OTUB1: variants seen among roughly 807,000 people sequenced by gnomAD.
The protein encoded by OTUB1 is OTU deubiquitinase, ubiquitin aldehyde binding 1.
A neutral mutation model predicts 35.8 loss-of-function variants in OTUB1; 10 were observed. That is an observed-to-expected ratio of 0.28 (90% CI 0.17 to 0.47). OTUB1 has a LOEUF of 0.47. OTUB1 is among the 20% of genes least tolerant of loss of function. OTUB1 has a pLI of 0.99. For missense variants in OTUB1, 264 were observed against 351.6 expected, an observed-to-expected ratio of 0.75 and a Z score of 1.99; for synonymous variants, 158 against 143.8, an observed-to-expected ratio of 1.10 and a Z score of -0.71.
intron 3 of OTUB1, among the ~76,000 whole-genome samples, chr11:63,991,321 A>G (rs1289604548): frequency 2.0e-5 from 3 of 152,138 alleles, no homozygotes; most frequent in Non-Finnish European, 4.4e-5. Context: ...TCATTCATTC[A>G]TTCCTCTTAT....
intron 3 of OTUB1, chr11:63,990,356 C>T (rs901725219): frequency 6.6e-6 from 1 of 152,182 alleles, no homozygotes; most frequent in South Asian, 2.1e-4. Context: ...AATCCTAGCA[C>T]TTTGGGAGGC....
chr11:63,997,672 CAT>C lies in OTUB1; in HGVS notation c.*127_*128del, dbSNP rs1198299570. On this transcript the variant is annotated 3_prime_UTR_variant, in exon 7 of 7. Transcript: ENST00000538426. ...TTCTTCCTGTCACATGACCCCCCCC[CAT>C]GTTTTATTAAAGGGGGTGCTGGTGG... 6.3e-6 allele frequency: 5 copies of C among 790,316 alleles called. No homozygotes were observed. In the African/African-American group the frequency reaches 8.5e-5, roughly 13 times the overall value. 49.0% of individuals were successfully genotyped at this position (790,316 alleles called of 1,614,324 possible). A position where few individuals can be genotyped will look rare whatever the true frequency, so the allele number is the denominator to read the frequency against.
chr11:63,996,332 C>T (rs545470853), intron 3 of OTUB1, among the ~76,000 whole-genome samples, 198 bp from the exon 4 acceptor site: 4 of 152,348 alleles, frequency 2.6e-5, no homozygotes, highest in African/African-American at 9.6e-5. Flanking sequence ...AGCTTCCTGC[C>T]GTCTTTTGGG....
chr11:63,992,461 C>T (rs372512336), intron 3 of OTUB1, among the ~76,000 whole-genome samples: 367 of 3,098 alleles, frequency 0.12, 1 homozygote, highest in African/African-American at 0.28. Context: ...CTGAGCGGGG[C>T]GGGGCGGGGT....
chr11:63,996,691 A>G (rs764831959), intron 4 of OTUB1, 43 bp downstream of exon 4: 7 of 1,613,210 alleles, frequency 4.3e-6, no homozygotes, highest in African/African-American at 4.0e-5. Flanking sequence ...GTGGGTGTCT[A>G]CCTCCTCCCC....
At position 63,997,907 on chromosome 11, in the gene OTUB1, A is replaced by G. The variant is rs938982062; in HGVS notation, c.*361A>G. 38 of 601,924 alleles carry G rather than the reference A, an allele frequency of 6.3e-5. No individual in the cohort carries two copies. The highest frequency in any genetic ancestry group is 2.4e-4 in the African/African-American group (13 of 53,710). The allele number at this position is 601,924 out of a possible 1,614,324, so 37.3% of individuals were successfully genotyped here. Reference sequence around the variant, plus strand: ...CTTCTTAGCTGGCTCAGGGGCTTCTATGGGATCCTGGAAGTTCCTTAGGGA... The same window carrying G: ...CTTCTTAGCTGGCTCAGGGGCTTCTGTGGGATCCTGGAAGTTCCTTAGGGA... On this transcript the variant is annotated 3_prime_UTR_variant, in exon 7 of 7. Transcript: ENST00000538426.
In OTUB1 at chr11:63,988,359, T is replaced by G; in HGVS notation, c.81T>G (p.Asp27Glu). ...CAGGTGTTAACTGTCTGGCCTATGA[T>G]GAAGCCATCATGGCTCAGCAGGACC... ...DSEGVNCLAY[D>E]EAIMAQQDRI... The change falls in exon 2 of 7, where the codon GAT (aspartate) becomes GAG (glutamate). Residue 27 changes from aspartate (D) to glutamate (E), a missense_variant. By Grantham distance (45) the Asp-to-Glu change is conservative. This residue lies in a region of OTUB1 where 50 missense variants were observed against 34.5 expected (regional missense o/e 1.45). Transcript: ENST00000538426. 6.4e-7 allele frequency: 1 copy of G among 1,554,240 alleles called. No homozygotes were observed. The highest frequency in any genetic ancestry group is 8.7e-7 in the Non-Finnish European group (1 of 1,148,086).
chr11:63,988,865 G>A (rs748744909), intron 3 of OTUB1, 113 bp downstream of exon 3: 11 of 692,878 alleles, frequency 1.6e-5, no homozygotes, highest in Middle Eastern at 3.9e-4. Context: ...GGTGTTGGAG[G>A]ACACTTTTCG....
chr11:63,998,113 G>A lies in OTUB1; in HGVS notation c.*567G>A. The A allele has an allele frequency of 3.0e-6, 1 of 335,308 alleles. No individual in the cohort carries two copies. The highest frequency in any genetic ancestry group is 3.2e-5 in the South Asian group (1 of 31,194). 20.8% of individuals were successfully genotyped at this position (335,308 alleles called of 1,614,324 possible). On this transcript the variant is annotated 3_prime_UTR_variant, in exon 7 of 7. Transcript: ENST00000538426. ...CCGGCTCAGGGCAGGTGGAGGAGCT[G>A]GGCCTCCCACAGGGTGCCCGGGCAG...
intron 4 of OTUB1, 57 bp downstream of exon 4, chr11:63,996,705 C>G (rs745606154): frequency 1.2e-6 from 2 of 1,613,364 alleles, no homozygotes; most frequent in East Asian, 4.5e-5. Context: ...CCTCCCCGGG[C>G]GAGTAGGATG....
intron 3 of OTUB1, among the ~76,000 whole-genome samples, chr11:63,991,324 C>G (rs540549963): frequency 1.6e-4 from 25 of 152,272 alleles, no homozygotes; most frequent in Non-Finnish European, 3.4e-4. Flanking sequence ...TTCATTCATT[C>G]CTCTTATGTC....
At chr11:63,994,265 T>G (rs1052683854) in intron 3 of OTUB1, among the ~76,000 whole-genome samples, 1 of 152,188 alleles carries the variant, frequency 6.6e-6, no homozygotes, top group Non-Finnish European at 1.5e-5. Flanking sequence ...TCCTTTTTCC[T>G]TTTTTGAAAC....
chr11:63,988,537 T>C, intron 2 of OTUB1, 117 bp from the exon 3 acceptor site: 2 of 1,263,796 alleles, frequency 1.6e-6, no homozygotes, highest in East Asian at 4.7e-5. Flanking sequence ...CTGGTGCTTT[T>C]CTGGGGGTCG....
At chr11:63,990,960 A>C (rs917667194) in intron 3 of OTUB1, among the ~76,000 whole-genome samples, 4 of 152,198 alleles carry the variant, frequency 2.6e-5, no homozygotes, top group African/African-American at 9.7e-5. Context: ...AGCTAATTCA[A>C]ATTTTAAATG....
chr11:63,988,590 T>C, intron 2 of OTUB1, 64 bp from the exon 3 acceptor site: 2 of 1,356,428 alleles, frequency 1.5e-6, no homozygotes, highest in Non-Finnish European at 2.1e-6. Context: ...GTAGTTATTC[T>C]GTCTGTTAGG....
rs767196665 is a variant in OTUB1, at chr11:63,997,040, G to C, written c.424-10G>C. 6.2e-7 allele frequency: 1 copy of C among 1,612,874 alleles called. No homozygotes were observed. The highest frequency in any genetic ancestry group is 8.5e-7 in the Non-Finnish European group (1 of 1,178,998). On this transcript the variant is annotated splice_polypyrimidine_tract_variant and intron_variant, in intron 5 of 6. Transcript: ENST00000538426. ...CCGTCATCTTGCCCTTTCTCCCTCC[G>C]TGGCTGCAGTTCATGGACCTGATTG...
rs1016795751 is a variant in OTUB1 at position 63,992,496 on chromosome 11, C to G, written c.219+3744C>G. On this transcript the variant is annotated intron_variant, in intron 3 of 6. Transcript: ENST00000538426. ...TGGGGTGTTGTGGCGAGAGAAAGGA[C>G]TCTGAGGGAGATGGAGATAGGGTGC... Among the ~76,000 whole-genome samples the G allele has an allele frequency of 5.3e-5, 8 of 151,508 alleles. 1 individual carries two copies. The highest frequency in any genetic ancestry group is 7.4e-5 in the Non-Finnish European group (5 of 67,862).
Position 63,986,441 on chromosome 11 carries a change from G to A in OTUB1, c.-16G>A, listed in dbSNP as rs943377855. On this transcript the variant is annotated 5_prime_UTR_variant, in exon 1 of 7. Coordinates refer to ENST00000538426, the MANE Select transcript of OTUB1 (RefSeq NM_017670.3). ...TGGCAACCCGGAAGCGGTCGGTAGTGCGGCGCTGTTTAAAGATGGCGGCGG... is the reference window on the plus strand; with the variant it reads ...TGGCAACCCGGAAGCGGTCGGTAGTACGGCGCTGTTTAAAGATGGCGGCGG... The A allele has an allele frequency of 6.4e-7, 1 of 1,552,986 alleles. No homozygotes were observed. The highest frequency in any genetic ancestry group is 8.7e-7 in the Non-Finnish European group (1 of 1,148,190).
At chr11:63,988,874 C>A in intron 3 of OTUB1, 122 bp downstream of exon 3, 1 of 667,770 alleles carries the variant, frequency 1.5e-6, no homozygotes. Flanking sequence ...GGACACTTTT[C>A]GTTGCTGGTT....
Sources: allele counts gnomAD v4.1 joint callset (sites outside exome capture counted in the v4.1 genomes callset), GRCh38; gene constraint gnomAD v4.1.1; regional missense constraint gnomAD v4.1.1; transcripts MANE v1.5; gene names NCBI Gene and HGNC (gene_info 2026-07-23, HGNC 2026-07-21).